Variants in SPATA13 observed in about 807,000 individuals in gnomAD.
SPATA13 encodes the protein spermatogenesis-associated protein 13.
Under a neutral mutation model 104.0 loss-of-function variants are expected in SPATA13, and 50 were observed. The ratio of observed to expected loss-of-function variants is 0.48; its 90% CI spans 0.38 to 0.61. The LOEUF (loss-of-function observed/expected upper bound fraction) is 0.61, where lower values mean the gene tolerates loss of function less well. Ranked by LOEUF, SPATA13 falls within the 20% of genes least tolerant of loss-of-function variation. SPATA13 has a pLI of 0.00. For missense variants in SPATA13, 1,524 were observed against 1,690.6 expected (o/e 0.90, Z 1.73); for synonymous variants, 606 against 667.5 (o/e 0.91, Z 1.42).
Position 24,036,016 on chromosome 13 carries a change from A to C in SPATA13, c.-112+18315A>C, listed in dbSNP as rs77645743. Among the ~76,000 whole-genome samples, 12 of 61,624 alleles carry C rather than the reference A, an allele frequency of 1.9e-4. No individual in the cohort carries two copies. In the Admixed American group the frequency reaches 2.0e-3, roughly 10 times the overall value. The allele number at this position is 61,624 out of a possible 152,430, so 40.4% of individuals were successfully genotyped here. A position where few individuals can be genotyped will look rare whatever the true frequency, so the allele number is the denominator to read the frequency against. On this transcript the variant is annotated intron_variant, in intron 3 of 14. Coordinates refer to the SPATA13 transcript ENST00000424834. Reference sequence around the variant, plus strand: ...GTGACAGAGTAAGACCCTGTCTCAAAAAAAAAAAAAAAAAAAAGAAAGAAA... The same window carrying C: ...GTGACAGAGTAAGACCCTGTCTCAACAAAAAAAAAAAAAAAAAGAAAGAAA...
intron 1 of SPATA13, among the ~76,000 whole-genome samples, chr13:24,204,845 A>G (rs1421262612): frequency 6.6e-6 from 1 of 152,186 alleles, no homozygotes; most frequent in Non-Finnish European, 1.5e-5. Context: ...TTATCCATTT[A>G]TCAATCAGTG....
intron 1 of SPATA13, among the ~76,000 whole-genome samples, chr13:24,208,373 T>C (rs1051703203): frequency 9.9e-5 from 15 of 152,192 alleles, no homozygotes; most frequent in African/African-American, 3.4e-4. Context: ...CACTGTGGAA[T>C]AAAATACAGA....
intron 4 of SPATA13, among the ~76,000 whole-genome samples, chr13:24,282,669 C>G (rs1875631400): frequency 6.6e-6 from 1 of 152,222 alleles, no homozygotes; most frequent in South Asian, 2.1e-4. Context: ...ACAGCTCTTC[C>G]TCCACGTCGT....
chr13:24,139,790 G>T (rs1015064316), intron 3 of SPATA13, among the ~76,000 whole-genome samples: 1 of 152,080 alleles, frequency 6.6e-6, no homozygotes, highest in Non-Finnish European at 1.5e-5. Context: ...CATGCAGGCC[G>T]GGCGCGGTGG....
Position 24,139,850 on chromosome 13 carries a change from G to A in SPATA13, c.-111-82969G>A, listed in dbSNP as rs747996999. 2.6e-5 allele frequency among the ~76,000 whole-genome samples: 4 copies of A among 152,136 alleles called. No individual in the cohort carries two copies. The South Asian group carries it at 6.2e-4, about 24-fold the overall frequency. On this transcript the variant is annotated intron_variant, in intron 3 of 14. Coordinates refer to the SPATA13 transcript ENST00000424834. ...TGGGAGGCCAAGGAGGGCGGATAAC[G>A]AGGTCAGGAGATCTAGACCATCCTG...
intron 2 of SPATA13, among the ~76,000 whole-genome samples, chr13:24,006,790 C>G (rs1051025017): frequency 6.6e-6 from 1 of 152,218 alleles, no homozygotes; most frequent in Non-Finnish European, 1.5e-5. Flanking sequence ...CATTCATGTG[C>G]CAGCTTCTGA....
chr13:24,110,426 C>T (rs1880600868), intron 3 of SPATA13, among the ~76,000 whole-genome samples: 1 of 152,162 alleles, frequency 6.6e-6, no homozygotes, highest in Admixed American at 6.5e-5. Context: ...GATCCAGACT[C>T]ACTTAATATT....
In SPATA13 at chr13:24,286,230, A is replaced by G. The variant is rs775452366; in HGVS notation, c.2318A>G (p.Asn773Ser). Residue 773 changes from asparagine to serine, a missense_variant, in exon 6 of 13, where the codon AAC becomes AGC. Around this residue, in one of 2 missense-constraint regions of SPATA13, gnomAD observed 1,089 missense variants for 1,135.9 expected, o/e 0.96. Transcript: ENST00000382108. The surrounding 1 kb of genome is among the most constrained non-coding windows in gnomAD (Gnocchi z 4.9). ...TCCTTTCAGCTGATCAGTGATGGCA[A>G]CGTGGTCTGCGCAGAAGCCCTGTGG... ...LAINELISDG[N>S]VVCAEALWDH... The G allele has an allele frequency of 5.0e-6, 8 of 1,612,786 alleles. 1 individual carries two copies. In the South Asian group the frequency reaches 7.7e-5, roughly 16 times the overall value.
At chr13:23,988,372 C>T (rs1310372675) in intron 2 of SPATA13, among the ~76,000 whole-genome samples, 1 of 152,180 alleles carries the variant, frequency 6.6e-6, no homozygotes, top group East Asian at 1.9e-4. Flanking sequence ...CAGTGGTATT[C>T]TGGCCTCATG....
At chr13:23,994,641 TC>T (rs1207797009) in intron 2 of SPATA13, among the ~76,000 whole-genome samples, 1 of 152,216 alleles carries the variant, frequency 6.6e-6, no homozygotes, top group Non-Finnish European at 1.5e-5. Context: ...AGTTTTCTGT[TC>T]ATCATTGAGT....
chr13:24,298,186 C>T (rs752692501), intron 11 of SPATA13, among the ~76,000 whole-genome samples: 2 of 152,158 alleles, frequency 1.3e-5, no homozygotes, highest in Non-Finnish European at 2.9e-5. Context: ...AGATGGAACC[C>T]CACTATGGTG....
chr13:24,136,335 G>A (rs1881565163), intron 3 of SPATA13, among the ~76,000 whole-genome samples: 2 of 152,118 alleles, frequency 1.3e-5, no homozygotes, highest in South Asian at 4.1e-4. Context: ...AATTAGCCGG[G>A]TGTGGTGGCG....
chr13:24,127,233 A>T (rs1881248174), intron 3 of SPATA13, among the ~76,000 whole-genome samples: 1 of 152,182 alleles, frequency 6.6e-6, no homozygotes, highest in East Asian at 1.9e-4. Context: ...CCAGGCTGGT[A>T]GCAGTGAGGC....
intron 3 of SPATA13, among the ~76,000 whole-genome samples, chr13:24,074,456 G>C (rs1879261084): frequency 6.6e-6 from 1 of 152,030 alleles, no homozygotes; most frequent in Admixed American, 6.6e-5. Flanking sequence ...TGAATAGTAT[G>C]GCTATGAACC....
At position 24,185,974 on chromosome 13, in the gene SPATA13, T is replaced by C. The variant is rs893924979; in HGVS notation, c.-112+25042T>C. On this transcript the variant is annotated intron_variant, in intron 1 of 12. Coordinates refer to ENST00000382108, the MANE Select transcript of SPATA13 (RefSeq NM_001166271.3). ...AATCTTAAGGCCAAATTTCTTTCTT[T>C]TCTGGAGACTTCAGTCTTTTAAGGC... 5.9e-5 allele frequency among the ~76,000 whole-genome samples: 9 copies of C among 152,196 alleles called. 1 individual carries two copies. Among genetic ancestry groups the C allele is most frequent in the Non-Finnish European group, 1.5e-5 (1 of 68,036 alleles).
intron 2 of SPATA13, among the ~76,000 whole-genome samples, chr13:23,986,531 C>T (rs1444950659): frequency 1.3e-5 from 2 of 152,214 alleles, no homozygotes; most frequent in South Asian, 2.1e-4. Flanking sequence ...CAAGGATCAA[C>T]CCCTTGGCCT....
At chr13:24,278,161 A>G (rs1006358332) in intron 4 of SPATA13, among the ~76,000 whole-genome samples, 4 of 152,208 alleles carry the variant, frequency 2.6e-5, no homozygotes, top group Non-Finnish European at 5.9e-5. Context: ...AGATTTGGAT[A>G]CTAACACTGT....
intron 3 of SPATA13, among the ~76,000 whole-genome samples, chr13:24,078,920 G>T (rs1214124057): frequency 6.6e-6 from 1 of 152,210 alleles, no homozygotes; most frequent in South Asian, 2.1e-4. Flanking sequence ...GATGGGCACA[G>T]CTTCTTGGTA....
chr13:24,134,916 A>G (rs1881508872), intron 3 of SPATA13, among the ~76,000 whole-genome samples: 3 of 152,234 alleles, frequency 2.0e-5, no homozygotes, highest in African/African-American at 7.2e-5. Context: ...TGAAGTCATT[A>G]AGGCGGGCTC....
Sources: gnomAD v4.1 joint callset for allele counts (sites outside exome capture counted in the v4.1 genomes callset) on GRCh38, gnomAD v4.1.1 for gene constraint, gnomAD v4.1.1 regional missense constraint, Gnocchi (gnomAD v3.1) non-coding constraint, MANE v1.5 for transcripts, NCBI Gene and HGNC (gene_info 2026-07-23, HGNC 2026-07-21) for gene names.